ARHGAP11A: variants seen among roughly 807,000 people sequenced by gnomAD.
ARHGAP11A encodes rho GTPase-activating protein 11A.
In ARHGAP11A, 36 loss-of-function variants were observed where a neutral mutation model predicts 60.5. The ratio of observed to expected loss-of-function variants is 0.59; its 90% CI spans 0.46 to 0.79. ARHGAP11A has a LOEUF of 0.79. Among genes scored for constraint, ARHGAP11A ranks in the 30% least tolerant of loss-of-function variants. The pLI is 0.00. For synonymous variants in ARHGAP11A, 362 were observed against 415.5 expected (o/e 0.87, Z 1.57); for missense variants, 1,071 against 1,199.2 (o/e 0.89, Z 1.58).
chr15:32,635,815 T>C lies in ARHGAP11A; in HGVS notation c.1383T>C (p.Gly461=). Residue 461 remains glycine, a synonymous_variant, in exon 11 of 12, where the codon GGT becomes GGC. Transcript: ENST00000361627. ...GTGTCAATAGATATGAAAGTGTTGGTTGGCGACTTGCAAATCAACAAAGTT... is the reference window on the plus strand; with the variant it reads ...GTGTCAATAGATATGAAAGTGTTGGCTGGCGACTTGCAAATCAACAAAGTT... ...CSGVNRYESV[G]WRLANQQSLK... 3.1e-6 allele frequency: 5 copies of C among 1,610,894 alleles called. No individual in the cohort carries two copies. The highest frequency in any genetic ancestry group is 1.3e-5 in the African/African-American group (1 of 74,958).
At position 32,623,342 on chromosome 15, in the gene ARHGAP11A, A is replaced by G. The variant is rs1343872331; in HGVS notation, c.201-150A>G. On this transcript the variant is annotated intron_variant, in intron 2 of 11. Coordinates refer to ENST00000361627, the MANE Select transcript of ARHGAP11A (RefSeq NM_014783.6). ...GAAGAATTTGGGAAGCCAGTAGACA[A>G]CTAAAAGTAACATTTCATCTCAAAG... is the stretch of plus-strand genomic sequence containing the variant. 4 of 646,142 alleles carry G rather than the reference A, an allele frequency of 6.2e-6. No homozygotes were observed. In the South Asian group the frequency reaches 1.4e-4, roughly 23 times the overall value. The allele number at this position is 646,142 out of a possible 1,614,324, so 40.0% of individuals were successfully genotyped here. A position where few individuals can be genotyped will look rare whatever the true frequency, so the allele number is the denominator to read the frequency against.
intron 3 of ARHGAP11A, 143 bp downstream of exon 3, chr15:32,623,731 T>C (rs1383780636): frequency 1.4e-5 from 12 of 863,486 alleles, no homozygotes; most frequent in East Asian, 1.1e-4. Flanking sequence ...ATTTTTTTTT[T>C]CCAAAAGAAA....
At chr15:32,620,217 G>C in intron 2 of ARHGAP11A, 39 bp downstream of exon 2, 1 of 1,602,866 alleles carries the variant, frequency 6.2e-7, no homozygotes, top group Middle Eastern at 1.7e-4. Flanking sequence ...GGGTGCAGTG[G>C]CATATGCCTG....
At chr15:32,629,526 A>C in intron 7 of ARHGAP11A, 69 bp from the exon 8 acceptor site, 1 of 1,316,454 alleles carries the variant, frequency 7.6e-7, no homozygotes, top group Non-Finnish European at 1.0e-6. Flanking sequence ...AGAAGAAATT[A>C]TGTAAAGCTT....
intron 6 of ARHGAP11A, 120 bp downstream of exon 6, chr15:32,625,753 G>T (rs2053443089): frequency 2.0e-5 from 21 of 1,034,456 alleles, no homozygotes; most frequent in Non-Finnish European, 3.0e-5. Flanking sequence ...CAGCTGGAAA[G>T]ATAGGACGTA....
In ARHGAP11A at chr15:32,636,142, A is replaced by G. The variant is rs1428805360; in HGVS notation, c.1484-115A>G. 16 of 1,429,030 alleles carry G rather than the reference A, an allele frequency of 1.1e-5. No homozygotes were observed. In the Admixed American group the frequency reaches 4.9e-4, roughly 43 times the overall value. 88.5% of individuals were successfully genotyped at this position (1,429,030 alleles called of 1,614,324 possible). On this transcript the variant is annotated intron_variant, in intron 11 of 11. Coordinates refer to ENST00000361627, the MANE Select transcript of ARHGAP11A (RefSeq NM_014783.6). Reference sequence around the variant, plus strand: ...TCTTATGTTAAAAATTATTTCTTGTAACACAAATACTTTATTAGAATTAAA... The same window carrying G: ...TCTTATGTTAAAAATTATTTCTTGTGACACAAATACTTTATTAGAATTAAA...
chr15:32,628,879 A>G (rs1269004197), intron 7 of ARHGAP11A, 77 bp downstream of exon 7: 2 of 1,082,130 alleles, frequency 1.8e-6, no homozygotes, highest in Non-Finnish European at 2.5e-6. Context: ...AATAATAATT[A>G]CCTAACTTAG....
In ARHGAP11A at chr15:32,637,085, T is replaced by C. The variant is rs758108215; in HGVS notation, c.2312T>C (p.Val771Ala). Residue 771 changes from valine to alanine, a missense_variant, in exon 12 of 12, where the codon GTA (valine) becomes GCA (alanine). This residue lies in a region of ARHGAP11A where 776 missense variants were observed against 760.2 expected (regional missense o/e 1.02). Coordinates refer to ENST00000361627, the MANE Select transcript of ARHGAP11A (RefSeq NM_014783.6). ...TTCTCACAGCAGAGTACATGTGTTG[T>C]AACAAACTTGTCAAAACCTAGGCCT... is the stretch of plus-strand genomic sequence containing the variant. ...SSFSQQSTCVVTNLSKPRPMR... is the reference protein window; with the variant it reads ...SSFSQQSTCVATNLSKPRPMR... The C allele has an allele frequency of 1.9e-6, 3 of 1,613,994 alleles. No homozygotes were observed. The highest frequency in any genetic ancestry group is 3.3e-5 in the Admixed American group (2 of 60,026).
At position 32,635,991 on chromosome 15, in the gene ARHGAP11A, A is replaced by G. The variant is rs949390448; in HGVS notation, c.1483+76A>G. On this transcript the variant is annotated intron_variant, in intron 11 of 11. Transcript: ENST00000361627. ...TGCTTTTTTAATGGCAAAACATATT[A>G]ATTAATTTACTGTTCTAGAGATTAA... 69 of 1,489,614 alleles carry G rather than the reference A, an allele frequency of 4.6e-5. 1 individual carries two copies. The African/African-American group carries it at 8.9e-4, about 19-fold the overall frequency. The allele number at this position is 1,489,614 out of a possible 1,614,324, so 92.3% of individuals were successfully genotyped here. A position where few individuals can be genotyped will look rare whatever the true frequency, so the allele number is the denominator to read the frequency against.
In ARHGAP11A at chr15:32,629,640, G is replaced by C. The variant is rs367930258; in HGVS notation, c.983G>C (p.Arg328Pro). The C allele has an allele frequency of 1.3e-5, 21 of 1,613,288 alleles. No individual in the cohort carries two copies. Among genetic ancestry groups the C allele is most frequent in the Non-Finnish European group, 1.8e-5 (21 of 1,179,654 alleles). Residue 328 changes from arginine (R) to proline (P), a missense_variant, in exon 8 of 12, where the codon CGT becomes CCT. Physicochemically the swap from Arg to Pro is moderately radical, Grantham distance 103. Coordinates refer to ENST00000361627, the MANE Select transcript of ARHGAP11A (RefSeq NM_014783.6). ...SPVILTPNAK[R>P]TLPVDSSHGF... ...GTGATTCTTACACCAAATGCTAAGC[G>C]TACATTGCCAGTAGATTCTTCTCAT... is the stretch of plus-strand genomic sequence containing the variant.
rs1286271221 is a variant in ARHGAP11A, at chr15:32,637,865, T to A, written c.*20T>A. 1.3e-6 allele frequency: 2 copies of A among 1,538,920 alleles called. No individual in the cohort carries two copies. The highest frequency in any genetic ancestry group is 2.5e-5 in the South Asian group (2 of 78,912). On this transcript the variant is annotated 3_prime_UTR_variant, in exon 12 of 12. Coordinates refer to ENST00000361627, the MANE Select transcript of ARHGAP11A (RefSeq NM_014783.6). ...TTGTAATTGGTAAATGTTATACTTG[T>A]CATTAATGTAAATAAAGTGAGTAAT...
chr15:32,620,357 G>C (rs2053266834), intron 2 of ARHGAP11A, among the ~76,000 whole-genome samples, 179 bp downstream of exon 2: 1 of 152,166 alleles, frequency 6.6e-6, no homozygotes, highest in African/African-American at 2.4e-5. Flanking sequence ...CACACTTGTA[G>C]TCCCAGCTAC....
At position 32,637,733 on chromosome 15, in the gene ARHGAP11A, A is replaced by G. The variant is rs754304350; in HGVS notation, c.2960A>G (p.Asn987Ser). 42 of 1,614,102 alleles carry G rather than the reference A, an allele frequency of 2.6e-5. No homozygotes were observed. Among genetic ancestry groups the G allele is most frequent in the Non-Finnish European group, 4.2e-6 (5 of 1,180,048 alleles). The change falls in exon 12 of 12, where the codon AAC becomes AGC. Residue 987 changes from asparagine (N) to serine (S), a missense_variant. This residue lies in a region of ARHGAP11A where 776 missense variants were observed against 760.2 expected (regional missense o/e 1.02). Transcript: ENST00000361627. ...ATGGGCATTTCTTCTGGGATAAATA[A>G]CAGGGTCCTTAGGAGACCATCAGAA... ...NNMGISSGINNRVLRRPSERG... is the reference protein window; with the variant it reads ...NNMGISSGINSRVLRRPSERG...
At chr15:32,629,954 G>A (rs1213804708) in intron 8 of ARHGAP11A, among the ~76,000 whole-genome samples, 192 bp downstream of exon 8, 2 of 129,040 alleles carry the variant, frequency 1.5e-5, no homozygotes, top group Non-Finnish European at 3.2e-5. Flanking sequence ...GTGTGTGTGT[G>A]TGTGTGTGTG....
In ARHGAP11A at chr15:32,628,797, G is replaced by T. The variant is rs372419991; in HGVS notation, c.932G>T (p.Arg311Ile). The change falls in exon 7 of 12, where the codon AGA becomes ATA. Residue 311 changes from arginine to isoleucine, a missense_variant. This residue lies in a region of ARHGAP11A where 196 missense variants were observed against 272.1 expected (regional missense o/e 0.72). Transcript: ENST00000361627. ...RTPSITPQEE[R>I]IAQLSESPVI... ...CCTTCTATTACACCTCAAGAAGAAA[G>T]AATTGGTAGGTATTTATTATATGCA... 2.8e-5 allele frequency: 43 copies of T among 1,544,570 alleles called. No individual in the cohort carries two copies. The highest frequency in any genetic ancestry group is 1.7e-4 in the Middle Eastern group (1 of 5,838).
intron 2 of ARHGAP11A, among the ~76,000 whole-genome samples, chr15:32,621,821 C>CAAAAAA (rs376053100): frequency 8.3e-6 from 1 of 120,902 alleles, no homozygotes. Flanking sequence ...GACTCCGTCT[C>CAAAAAA]AAAAAAAAAA....
In ARHGAP11A at chr15:32,636,356, G is replaced by C; in HGVS notation, c.1583G>C (p.Ser528Thr). ...TCTTGGACAGGACCTAATAATTCAA[G>C]TTTTCAAGAAGTAGATGCAAATGAA... ...RMSWTGPNNS[S>T]FQEVDANEAS... The change falls in exon 12 of 12, where the codon AGT becomes ACT. Residue 528 changes from serine to threonine, a missense_variant. Physicochemically the swap from Ser to Thr is moderately conservative, Grantham distance 58. Transcript: ENST00000361627. 1 of 1,614,074 alleles carries C rather than the reference G, an allele frequency of 6.2e-7. No homozygotes were observed. Among genetic ancestry groups the C allele is most frequent in the Non-Finnish European group, 8.5e-7 (1 of 1,179,974 alleles).
chr15:32,633,058 T>C lies in ARHGAP11A; in HGVS notation c.1185T>C (p.Thr395=). The C allele has an allele frequency of 6.2e-7, 1 of 1,614,166 alleles. No individual in the cohort carries two copies. The highest frequency in any genetic ancestry group is 8.5e-7 in the Non-Finnish European group (1 of 1,179,984). Residue 395 remains threonine, a synonymous_variant, in exon 9 of 12, where the codon ACT becomes ACC. Coordinates refer to ENST00000361627, the MANE Select transcript of ARHGAP11A (RefSeq NM_014783.6). ...PVLIGGNHLI[T]AGVPRRSKRI... ...TCATTGGTGGAAACCATTTGATCACTGCAGGTGTGCCAAGGCGAAGTAAAA... is the reference window on the plus strand; with the variant it reads ...TCATTGGTGGAAACCATTTGATCACCGCAGGTGTGCCAAGGCGAAGTAAAA...
chr15:32,624,170 C>T lies in ARHGAP11A; in HGVS notation c.298-3C>T. On this transcript the variant is annotated splice_region_variant and splice_polypyrimidine_tract_variant and intron_variant, in intron 3 of 11. Transcript: ENST00000361627. Reference sequence around the variant, plus strand: ...ATACTCAAGATTATTATATTTATTTCAGAATAAAGTGGATCATGGTGAAGG... The same window carrying T: ...ATACTCAAGATTATTATATTTATTTTAGAATAAAGTGGATCATGGTGAAGG... 1 of 1,607,624 alleles carries T rather than the reference C, an allele frequency of 6.2e-7. No homozygotes were observed.
Sources: gnomAD v4.1 joint callset for allele counts (sites outside exome capture counted in the v4.1 genomes callset) on GRCh38, gnomAD v4.1.1 for gene constraint, gnomAD v4.1.1 regional missense constraint, MANE v1.5 for transcripts, NCBI Gene and HGNC (gene_info 2026-07-23, HGNC 2026-07-21) for gene names.